The following KDM7A variants were observed in gnomAD, a reference collection of about 807,000 sequenced individuals.
KDM7A encodes lysine demethylase 7A.
Under a neutral mutation model 114.8 loss-of-function variants are expected in KDM7A, and 28 were observed. That is an observed-to-expected ratio of 0.24 (90% CI 0.18 to 0.33). KDM7A has a LOEUF of 0.33. KDM7A is among the 10% of genes least tolerant of loss of function. The probability of loss-of-function intolerance (pLI) is 1.00; values close to 1 mark genes in which losing one functional copy is unlikely to be tolerated. For synonymous variants in KDM7A, 423 were observed against 397.8 expected (o/e 1.06, Z -0.75); for missense variants, 942 against 1,142.5 (o/e 0.82, Z 2.53).
intron 9 of KDM7A, among the ~76,000 whole-genome samples, chr7:140,118,773 C>T (rs536245330): frequency 2.0e-5 from 3 of 152,080 alleles, no homozygotes; most frequent in Admixed American, 6.6e-5. Context: ...AGTCTCTTGA[C>T]ATAAACTGCA....
At chr7:140,154,499 T>TAAAAAAAAAAAAA (rs397974321) in intron 1 of KDM7A, among the ~76,000 whole-genome samples, 4 of 74,292 alleles carry the variant, frequency 5.4e-5, no homozygotes, top group African/African-American at 9.7e-5. Context: ...CTCTTAAAAT[T>TAAAAAAAAAAAAA]AAAAAAAAAA....
chr7:140,132,987 CATGATTA>C (rs1229716712), intron 3 of KDM7A, among the ~76,000 whole-genome samples: 1 of 152,138 alleles, frequency 6.6e-6, no homozygotes, highest in Non-Finnish European at 1.5e-5. Flanking sequence ...TCTAAATTAG[CATGATTA>C]AATGCTTTAT....
intron 12 of KDM7A, 92 bp from the exon 13 acceptor site, chr7:140,100,115 G>A (rs1404989920): frequency 5.2e-6 from 7 of 1,353,186 alleles, no homozygotes; most frequent in Non-Finnish European, 7.3e-6. Context: ...CTCCCCCATG[G>A]TCCTGCATCT....
At chr7:140,100,707 T>TATATATAC (rs1554395418) in intron 12 of KDM7A, among the ~76,000 whole-genome samples, 2 of 37,620 alleles carry the variant, frequency 5.3e-5, no homozygotes, top group South Asian at 1.0e-3. Flanking sequence ...TATATATATA[T>TATATATAC]ACACATATAT....
At chr7:140,097,502 C>A in intron 15 of KDM7A, 43 bp downstream of exon 15, 1 of 1,063,924 alleles carries the variant, frequency 9.4e-7, no homozygotes, top group Non-Finnish European at 1.4e-6. Flanking sequence ...TGGTGCTCAT[C>A]TTTCCATCAA....
intron 12 of KDM7A, 21 bp from the exon 13 acceptor site, chr7:140,100,044 C>A (rs1818176348): frequency 6.2e-7 from 1 of 1,613,624 alleles, no homozygotes; most frequent in African/African-American, 1.3e-5. Context: ...AAATGCAGAA[C>A]TTACTTACCA....
intron 1 of KDM7A, among the ~76,000 whole-genome samples, chr7:140,150,249 T>C (rs1794384394): frequency 6.6e-6 from 1 of 152,196 alleles, no homozygotes. Flanking sequence ...TGATGAATTC[T>C]ACAAGAAGAA....
chr7:140,176,636 GGGCGC>G lies in KDM7A; in HGVS notation c.194+103_194+107del, dbSNP rs1053857064. ...TAGGCACCGGGGCCCCCTGAAAGCTGGGCGCGGCGCGGCGGCCCGGCCCGAGGGAG... is the reference window on the plus strand; with the variant it reads ...TAGGCACCGGGGCCCCCTGAAAGCTGGGCGCGGCGGCCCGGCCCGAGGGAG... On this transcript the variant is annotated intron_variant, in intron 1 of 19. Transcript: ENST00000397560. The surrounding 1 kb of genome is among the most constrained non-coding windows in gnomAD (Gnocchi z 4.4). The G allele has an allele frequency of 2.9e-5, 24 of 838,926 alleles. No individual in the cohort carries two copies. Among genetic ancestry groups the G allele is most frequent in the African/African-American group, 3.7e-5 (2 of 53,336 alleles). 52.0% of individuals were successfully genotyped at this position (838,926 alleles called of 1,614,324 possible). A position where few individuals can be genotyped will look rare whatever the true frequency, so the allele number is the denominator to read the frequency against.
chr7:140,114,051 G>GTGTAAC (rs1818473800), intron 9 of KDM7A, among the ~76,000 whole-genome samples: 1 of 152,184 alleles, frequency 6.6e-6, no homozygotes, highest in Non-Finnish European at 1.5e-5. Flanking sequence ...AAGAAAGGGG[G>GTGTAAC]TGTAACTGTC....
Position 140,176,804 on chromosome 7 carries a change from G to A in KDM7A, c.134C>T (p.Pro45Leu), listed in dbSNP as rs777351677. The A allele has an allele frequency of 4.9e-6, 7 of 1,414,724 alleles. No homozygotes were observed. In the Admixed American group the frequency reaches 1.0e-4, roughly 21 times the overall value. 87.6% of individuals were successfully genotyped at this position (1,414,724 alleles called of 1,614,324 possible). A position where few individuals can be genotyped will look rare whatever the true frequency, so the allele number is the denominator to read the frequency against. ...GATCATGAAGCGGTTCACGTCGTAC[G>A]GCTGCCGGCACACACAGTACACGGG... ...PPPVYCVCRQ[P>L]YDVNRFMIEC... Residue 45 changes from proline (P) to leucine (L), a missense_variant, in exon 1 of 20, where the codon CCG becomes CTG. Pro to Leu is a moderately conservative substitution (Grantham distance 98). Transcript: ENST00000397560. The surrounding 1 kb of genome is among the most constrained non-coding windows in gnomAD (Gnocchi z 4.4).
At chr7:140,158,046 G>A (rs1248895237) in intron 1 of KDM7A, among the ~76,000 whole-genome samples, 6 of 151,322 alleles carry the variant, frequency 4.0e-5, no homozygotes, top group African/African-American at 1.2e-4. Flanking sequence ...GTGGGAAAAG[G>A]GCAATAGTCT....
intron 1 of KDM7A, among the ~76,000 whole-genome samples, chr7:140,159,945 T>TAAAAAAA (rs71520071): frequency 8.1e-6 from 1 of 124,048 alleles, no homozygotes; most frequent in East Asian, 2.3e-4. Context: ...TGACTTCCAT[T>TAAAAAAA]AAAAAAAAAA....
chr7:140,141,925 G>A (rs1283232358), intron 1 of KDM7A, among the ~76,000 whole-genome samples: 1 of 149,858 alleles, frequency 6.7e-6, no homozygotes, highest in Non-Finnish European at 1.5e-5. Context: ...TCTTTGTTAA[G>A]ATAAAAAGAA....
chr7:140,104,769 A>C (rs897363301), intron 11 of KDM7A, among the ~76,000 whole-genome samples: 36 of 152,206 alleles, frequency 2.4e-4, no homozygotes, highest in African/African-American at 8.4e-4. Context: ...TTGTCTTGGC[A>C]ATGTAGGCTC....
At chr7:140,168,402 C>CA (rs940686134) in intron 1 of KDM7A, among the ~76,000 whole-genome samples, 31 of 151,334 alleles carry the variant, frequency 2.0e-4, no homozygotes, top group Non-Finnish European at 2.2e-4. Flanking sequence ...TCTGTTTCTA[C>CA]AAAAAAAATA....
At chr7:140,141,492 G>A (rs942449250) in intron 1 of KDM7A, among the ~76,000 whole-genome samples, 10 of 152,040 alleles carry the variant, frequency 6.6e-5, no homozygotes, top group African/African-American at 1.5e-4. Context: ...TGTAACAGGA[G>A]GCACGGAAGA....
intron 1 of KDM7A, among the ~76,000 whole-genome samples, chr7:140,168,157 G>A (rs77118611): frequency 2.7e-3 from 418 of 152,310 alleles, no homozygotes; most frequent in African/African-American, 7.8e-3. Context: ...CTGTTGGTGG[G>A]AATGCAAACT....
intron 2 of KDM7A, among the ~76,000 whole-genome samples, chr7:140,134,357 A>G (rs765546873): frequency 6.6e-6 from 1 of 152,092 alleles, no homozygotes; most frequent in Non-Finnish European, 1.5e-5. Flanking sequence ...GTCACTTAAC[A>G]CCTATGGATC....
chr7:140,170,239 T>C (rs1412683483), intron 1 of KDM7A, among the ~76,000 whole-genome samples: 1 of 151,160 alleles, frequency 6.6e-6, no homozygotes, highest in South Asian at 2.1e-4. Flanking sequence ...CAAATAAATA[T>C]TTTATACATA....
Sources: allele counts gnomAD v4.1 joint callset (sites outside exome capture counted in the v4.1 genomes callset), GRCh38; gene constraint gnomAD v4.1.1; non-coding constraint Gnocchi (gnomAD v3.1); transcripts MANE v1.5; gene names NCBI Gene and HGNC (gene_info 2026-07-23, HGNC 2026-07-21).